Variants in HHAT observed in about 807,000 individuals in gnomAD.
The protein encoded by HHAT is hedgehog acyltransferase.
In HHAT, 47 loss-of-function variants were observed where a neutral mutation model predicts 70.8. The observed-to-expected ratio is 0.66, with a 90% CI of 0.53 to 0.85. The LOEUF is 0.85. HHAT is among the 40% of genes least tolerant of loss of function. HHAT has a pLI of 0.00. For synonymous variants in HHAT, 228 were observed against 247.6 expected, an observed-to-expected ratio of 0.92 and a Z score of 0.74; for missense variants, 609 against 604.8, an observed-to-expected ratio of 1.01 and a Z score of -0.07.
At chr1:210,618,440 A>T (rs1010147441) in intron 10 of HHAT, among the ~76,000 whole-genome samples, 19 of 152,142 alleles carry the variant, frequency 1.2e-4, no homozygotes, top group African/African-American at 4.6e-4. Flanking sequence ...TTCAGTGATT[A>T]TATGGAAGAA....
At chr1:210,624,480 C>T (rs1018655225) in intron 11 of HHAT, among the ~76,000 whole-genome samples, 5 of 152,100 alleles carry the variant, frequency 3.3e-5, no homozygotes, top group East Asian at 1.9e-4. Context: ...AGGAATTTGC[C>T]CTAGAAGCTT....
At chr1:210,365,777 G>A (rs2088890093) in intron 3 of HHAT, among the ~76,000 whole-genome samples, 1 of 151,620 alleles carries the variant, frequency 6.6e-6, no homozygotes, top group Non-Finnish European at 1.5e-5. Flanking sequence ...CACCACGCCT[G>A]GCCAATTTTT....
chr1:210,380,974 T>G (rs191024268), intron 3 of HHAT, among the ~76,000 whole-genome samples: 7 of 152,124 alleles, frequency 4.6e-5, no homozygotes, highest in Admixed American at 6.5e-5. Flanking sequence ...TGAAGAATAT[T>G]AAGTGGGGGA....
At chr1:210,529,350 G>T (rs1474017042) in intron 9 of HHAT, among the ~76,000 whole-genome samples, 2 of 151,168 alleles carry the variant, frequency 1.3e-5, no homozygotes, top group Admixed American at 6.6e-5. Flanking sequence ...GGGGATATTT[G>T]TTGTTAAGCT....
At chr1:210,573,332 G>T (rs1656803936) in intron 9 of HHAT, among the ~76,000 whole-genome samples, 1 of 152,058 alleles carries the variant, frequency 6.6e-6, no homozygotes, top group Admixed American at 6.5e-5. Context: ...GCTTTTCAAG[G>T]GTCCTGACCC....
intron 11 of HHAT, among the ~76,000 whole-genome samples, chr1:210,640,642 C>A (rs542995372): frequency 6.6e-6 from 1 of 151,976 alleles, no homozygotes; most frequent in Non-Finnish European, 1.5e-5. Context: ...TCAAAACATG[C>A]GTGCGTGTAA....
At chr1:210,482,890 A>G (rs1470011301) in intron 8 of HHAT, among the ~76,000 whole-genome samples, 1 of 152,216 alleles carries the variant, frequency 6.6e-6, no homozygotes, top group East Asian at 1.9e-4. Context: ...TGTTCATGAC[A>G]GTAGCTTTTC....
At chr1:210,656,865 G>A (rs895188523) in intron 11 of HHAT, among the ~76,000 whole-genome samples, 2 of 152,124 alleles carry the variant, frequency 1.3e-5, no homozygotes, top group African/African-American at 4.8e-5. Context: ...TGCTTCCAAG[G>A]CATGGCAAAC....
In HHAT at chr1:210,494,542, C is replaced by CTTTTTTTTTTTTTT. The variant is rs71146226; in HGVS notation, c.1008-18597_1008-18584dup. On this transcript the variant is annotated intron_variant, in intron 8 of 11. Transcript: ENST00000261458. ...AGATCAGGAGTTCAGTTTGAAATAG[C>CTTTTTTTTTTTTTT]TTTTTTTTTTTTTTTTTTTTTTTTT... Among the ~76,000 whole-genome samples the CTTTTTTTTTTTTTT allele has an allele frequency of 8.1e-3, 669 of 82,786 alleles. 68 individuals are homozygous for CTTTTTTTTTTTTTT. Among genetic ancestry groups the CTTTTTTTTTTTTTT allele is most frequent in the Non-Finnish European group, 0.011 (508 of 45,708 alleles). 54.3% of individuals were successfully genotyped at this position (82,786 alleles called of 152,430 possible).
chr1:210,358,477 G>T (rs1194822103), intron 2 of HHAT, among the ~76,000 whole-genome samples: 1 of 152,138 alleles, frequency 6.6e-6, no homozygotes, highest in East Asian at 1.9e-4. Flanking sequence ...AGGAAAGAAG[G>T]AGCCCCTAGG....
chr1:210,391,426 T>C (rs2091450695), intron 4 of HHAT, among the ~76,000 whole-genome samples: 3 of 152,124 alleles, frequency 2.0e-5, no homozygotes. Context: ...CACTGATAAA[T>C]TTAACTACGC....
At chr1:210,501,977 A>G (rs867101074) in intron 8 of HHAT, among the ~76,000 whole-genome samples, 1 of 150,990 alleles carries the variant, frequency 6.6e-6, no homozygotes, top group African/African-American at 2.4e-5. Context: ...CTATTCCAGC[A>G]ATTAGCAACC....
In HHAT at chr1:210,329,039, G is replaced by C. The variant is rs2084746548; in HGVS notation, c.-109G>C. ...TCGCTGGGACTCGGAAGTGCCGAAA[G>C]AGGGGTGTTGGGAACTCGCGGCGCG... On this transcript the variant is annotated 5_prime_UTR_variant, in exon 1 of 12. Coordinates refer to ENST00000261458, the MANE Select transcript of HHAT (RefSeq NM_018194.6). 1 of 1,430,334 alleles carries C rather than the reference G, an allele frequency of 7.0e-7. No homozygotes were observed. 88.6% of individuals were successfully genotyped at this position (1,430,334 alleles called of 1,614,324 possible). A position where few individuals can be genotyped will look rare whatever the true frequency, so the allele number is the denominator to read the frequency against.
At chr1:210,335,795 ATG>A (rs1174967861) in intron 1 of HHAT, among the ~76,000 whole-genome samples, 1 of 152,234 alleles carries the variant, frequency 6.6e-6, no homozygotes, top group African/African-American at 2.4e-5. Context: ...ATACACCTAA[ATG>A]TGAACGCTAA....
intron 3 of HHAT, among the ~76,000 whole-genome samples, chr1:210,364,469 T>C (rs777169208): frequency 2.0e-5 from 3 of 152,162 alleles, no homozygotes; most frequent in Non-Finnish European, 4.4e-5. Flanking sequence ...TTAGATAATA[T>C]TGGAAATATA....
At chr1:210,365,827 G>T (rs2088896406) in intron 3 of HHAT, among the ~76,000 whole-genome samples, 1 of 151,856 alleles carries the variant, frequency 6.6e-6, no homozygotes, top group East Asian at 1.9e-4. Context: ...CGTTGGCTAG[G>T]CTGGTCTCAA....
chr1:210,590,121 A>G (rs1278603075), intron 10 of HHAT: 1 of 152,170 alleles, frequency 6.6e-6, no homozygotes, highest in Non-Finnish European at 1.5e-5. Flanking sequence ...TCAGTGCACA[A>G]TTAGTGCTTT....
intron 3 of HHAT, among the ~76,000 whole-genome samples, chr1:210,381,091 T>G (rs2090601465): frequency 6.6e-6 from 1 of 151,986 alleles, no homozygotes; most frequent in South Asian, 2.1e-4. Context: ...GAGCACAGTC[T>G]GCGGAATTGA....
At chr1:210,375,635 G>T (rs1485998933) in intron 3 of HHAT, among the ~76,000 whole-genome samples, 1 of 150,952 alleles carries the variant, frequency 6.6e-6, no homozygotes, top group African/African-American at 2.4e-5. Context: ...GAATTTGTAG[G>T]TTTATGCTTT....
Sources: allele counts gnomAD v4.1 joint callset (sites outside exome capture counted in the v4.1 genomes callset), GRCh38; gene constraint gnomAD v4.1.1; transcripts MANE v1.5; gene names NCBI Gene and HGNC (gene_info 2026-07-23, HGNC 2026-07-21).